Variants in NREP observed in about 807,000 individuals in gnomAD.
NREP encodes neuronal regeneration related protein.
A neutral mutation model predicts 8.6 loss-of-function variants in NREP; 5 were observed. The ratio of observed to expected loss-of-function variants is 0.58; its 90% CI spans 0.30 to 1.22. NREP has a LOEUF of 1.22. NREP is among the 50% of genes most tolerant of loss of function. NREP has a pLI of 0.07. For missense variants in NREP, 86 were observed against 82.5 expected, an observed-to-expected ratio of 1.04 and a Z score of -0.17; for synonymous variants, 27 against 28.0, an observed-to-expected ratio of 0.96 and a Z score of 0.11.
intron 2 of NREP, among the ~76,000 whole-genome samples, chr5:111,876,709 T>C (rs751265071): frequency 6.6e-6 from 1 of 152,270 alleles, no homozygotes; most frequent in Non-Finnish European, 1.5e-5. Context: ...TGACTATGCA[T>C]ATCCATAACA....
intron 2 of NREP, among the ~76,000 whole-genome samples, chr5:111,736,339 T>C (rs1749112701): frequency 6.6e-6 from 1 of 152,114 alleles, no homozygotes; most frequent in Admixed American, 6.6e-5. Context: ...AGAAACAGAA[T>C]CCAACAACCA....
intron 2 of NREP, among the ~76,000 whole-genome samples, chr5:111,874,966 CA>C (rs1753871032): frequency 6.6e-6 from 1 of 152,094 alleles, no homozygotes; most frequent in Admixed American, 6.6e-5. Context: ...TGTTAAGATG[CA>C]AATACCACAG....
chr5:111,894,121 A>T (rs1754454585), intron 2 of NREP, among the ~76,000 whole-genome samples: 3 of 152,082 alleles, frequency 2.0e-5, no homozygotes, highest in Admixed American at 1.3e-4. Flanking sequence ...CGGGAGGCTG[A>T]GGCAGGAGAA....
chr5:111,897,521 T>C (rs1754539836), intron 2 of NREP, among the ~76,000 whole-genome samples: 1 of 152,188 alleles, frequency 6.6e-6, no homozygotes, highest in South Asian at 2.1e-4. Flanking sequence ...GACTGCCAGC[T>C]GGGTTAAACT....
At chr5:111,816,439 A>G (rs1290511521) in intron 2 of NREP, among the ~76,000 whole-genome samples, 1 of 152,174 alleles carries the variant, frequency 6.6e-6, no homozygotes, top group African/African-American at 2.4e-5. Flanking sequence ...AGTACATAGC[A>G]ACAATTGTGA....
chr5:111,782,350 C>G (rs1413502829), intron 2 of NREP, among the ~76,000 whole-genome samples: 1 of 152,134 alleles, frequency 6.6e-6, no homozygotes, highest in Non-Finnish European at 1.5e-5. Context: ...ATGTCCTAAC[C>G]TAAAGCACTT....
intron 2 of NREP, among the ~76,000 whole-genome samples, chr5:111,892,049 T>A (rs1754407464): frequency 6.6e-6 from 1 of 151,786 alleles, no homozygotes; most frequent in Admixed American, 6.6e-5. Context: ...AGTAGAAAAG[T>A]AAGGAACAAA....
chr5:111,745,138 C>A (rs1312956817), intron 2 of NREP, among the ~76,000 whole-genome samples: 1 of 152,210 alleles, frequency 6.6e-6, no homozygotes, highest in African/African-American at 2.4e-5. Context: ...AATGTTACCA[C>A]AAGGAAGAAA....
intron 2 of NREP, among the ~76,000 whole-genome samples, chr5:111,805,589 C>A (rs915904162): frequency 6.6e-6 from 1 of 152,104 alleles, no homozygotes; most frequent in South Asian, 2.1e-4. Context: ...TGTGTGCACA[C>A]GTATGTACAT....
intron 2 of NREP, among the ~76,000 whole-genome samples, chr5:111,961,741 C>T (rs1001986603): frequency 2.0e-5 from 3 of 152,186 alleles, no homozygotes; most frequent in African/African-American, 7.2e-5. Flanking sequence ...TCCCTAATCT[C>T]TCCTGGTTTT....
At chr5:111,785,423 C>T (rs767977189) in intron 2 of NREP, among the ~76,000 whole-genome samples, 19 of 151,998 alleles carry the variant, frequency 1.3e-4, no homozygotes, top group Non-Finnish European at 2.1e-4. Flanking sequence ...GGAGTACAGG[C>T]GCATGCCACC....
intron 2 of NREP, among the ~76,000 whole-genome samples, chr5:111,908,092 T>G (rs1189782334): frequency 1.3e-5 from 2 of 152,070 alleles, no homozygotes; most frequent in Non-Finnish European, 1.5e-5. Context: ...AGTAAATGAC[T>G]ACTAAGCTTC....
intron 2 of NREP, among the ~76,000 whole-genome samples, chr5:111,841,087 ACAG>A (rs1174579284): frequency 6.6e-6 from 1 of 152,158 alleles, no homozygotes; most frequent in East Asian, 1.9e-4. Flanking sequence ...GAGAATAAGT[ACAG>A]GAGTTTTGGA....
intron 2 of NREP, among the ~76,000 whole-genome samples, chr5:111,780,280 T>C (rs527883276): frequency 1.3e-5 from 2 of 152,300 alleles, no homozygotes; most frequent in African/African-American, 4.8e-5. Context: ...AAAGAGTCTA[T>C]GCACTGAGTA....
In NREP at chr5:111,746,057, G is replaced by A. The variant is rs141669677; in HGVS notation, c.3+9713C>T. Among the ~76,000 whole-genome samples the A allele has an allele frequency of 3.9e-5, 6 of 152,132 alleles. No individual in the cohort carries two copies. The East Asian group carries it at 1.2e-3, about 29-fold the overall frequency. On this transcript the variant is annotated intron_variant, in intron 2 of 3. Coordinates refer to ENST00000257435, the MANE Select transcript of NREP (RefSeq NM_004772.4). ...ACAGTCAAAGATGTAGTGACCCTCTGACTTCATCTAAACAACATAATAGCT... is the reference window on the plus strand; with the variant it reads ...ACAGTCAAAGATGTAGTGACCCTCTAACTTCATCTAAACAACATAATAGCT...
At chr5:111,812,067 C>G (rs1752282627) in intron 2 of NREP, among the ~76,000 whole-genome samples, 1 of 152,086 alleles carries the variant, frequency 6.6e-6, no homozygotes, top group African/African-American at 2.4e-5. Context: ...GCAGGTGGAT[C>G]ACCTGAGTGC....
At chr5:111,900,876 G>A (rs1421253911) in intron 2 of NREP, among the ~76,000 whole-genome samples, 2 of 152,054 alleles carry the variant, frequency 1.3e-5, no homozygotes, top group African/African-American at 4.8e-5. Flanking sequence ...CAAAAACATT[G>A]AAAAGGAGGG....
intron 2 of NREP, chr5:111,755,407 C>A: frequency 3.9e-6 from 1 of 259,154 alleles, no homozygotes; most frequent in Non-Finnish European, 7.6e-6. Flanking sequence ...CGGCCTAGCT[C>A]TAAGACCCAA....
chr5:111,831,064 C>T (rs1389998117), intron 2 of NREP, among the ~76,000 whole-genome samples: 1 of 152,098 alleles, frequency 6.6e-6, no homozygotes, highest in Non-Finnish European at 1.5e-5. Flanking sequence ...CCAAGCAGGG[C>T]CCCCAAACCA....
Sources: allele counts gnomAD v4.1 joint callset (sites outside exome capture counted in the v4.1 genomes callset), GRCh38; gene constraint gnomAD v4.1.1; transcripts MANE v1.5; gene names NCBI Gene and HGNC (gene_info 2026-07-23, HGNC 2026-07-21).